Variants in MSRA observed in about 807,000 individuals in gnomAD.
MSRA encodes the protein mitochondrial peptide methionine sulfoxide reductase.
In MSRA, 54 loss-of-function variants were observed where a neutral mutation model predicts 31.3. That is an observed-to-expected ratio of 1.73 (90% CI 1.39 to 2.17). The LOEUF is 2.17. MSRA is among the 30% of genes most tolerant of loss of function. The pLI is 0.00. For missense variants in MSRA, 507 were observed against 300.9 expected, an observed-to-expected ratio of 1.69 and a Z score of -5.07; for synonymous variants, 169 against 116.5, an observed-to-expected ratio of 1.45 and a Z score of -2.90.
chr8:10,072,102 T>C (rs1406351441), intron 1 of MSRA, among the ~76,000 whole-genome samples: 1 of 151,826 alleles, frequency 6.6e-6, no homozygotes, highest in Non-Finnish European at 1.5e-5. Flanking sequence ...CCAGGTGCCA[T>C]GTGACACACA....
At chr8:10,320,821 A>G (rs898000475) in intron 5 of MSRA, among the ~76,000 whole-genome samples, 3 of 152,130 alleles carry the variant, frequency 2.0e-5, no homozygotes, top group Admixed American at 1.3e-4. Flanking sequence ...CCATGTTTAT[A>G]TTCACATCAG....
chr8:10,364,706 G>A (rs1052566069), intron 5 of MSRA, among the ~76,000 whole-genome samples: 1 of 152,214 alleles, frequency 6.6e-6, no homozygotes, highest in African/African-American at 2.4e-5. Context: ...TAACTGCTGG[G>A]TGAATTTGGG....
At chr8:10,264,529 C>A (rs1798645141) in intron 3 of MSRA, among the ~76,000 whole-genome samples, 1 of 152,174 alleles carries the variant, frequency 6.6e-6, no homozygotes, top group South Asian at 2.1e-4. Flanking sequence ...AAAGCCAGTG[C>A]TGCCAGGCAA....
At chr8:10,290,605 T>C (rs973062114) in intron 3 of MSRA, among the ~76,000 whole-genome samples, 1 of 152,040 alleles carries the variant, frequency 6.6e-6, no homozygotes, top group Admixed American at 6.6e-5. Context: ...CGGAATTCCA[T>C]TGGTGGGGTG....
At chr8:10,356,487 T>G (rs1563388499) in intron 5 of MSRA, among the ~76,000 whole-genome samples, 1 of 152,218 alleles carries the variant, frequency 6.6e-6, no homozygotes, top group Non-Finnish European at 1.5e-5. Flanking sequence ...CATGCATTTC[T>G]TTACGGATTT....
intron 1 of MSRA, among the ~76,000 whole-genome samples, chr8:10,088,675 G>A (rs1241775758): frequency 6.6e-6 from 1 of 152,114 alleles, no homozygotes; most frequent in Admixed American, 6.5e-5. Context: ...GGATGAGGTT[G>A]CAGTGAGCTG....
chr8:10,131,718 T>C (rs1055775080), intron 1 of MSRA, among the ~76,000 whole-genome samples: 2 of 152,198 alleles, frequency 1.3e-5, no homozygotes, highest in Non-Finnish European at 2.9e-5. Flanking sequence ...TCTCATTCCC[T>C]ATGGCCAGTG....
At chr8:10,407,247 G>A (rs1296935558) in intron 5 of MSRA, among the ~76,000 whole-genome samples, 1 of 152,222 alleles carries the variant, frequency 6.6e-6, no homozygotes, top group East Asian at 1.9e-4. Context: ...ACAACCAGAG[G>A]TGGATGTGAA....
chr8:10,116,183 G>A (rs116908443), intron 1 of MSRA, among the ~76,000 whole-genome samples: 3,154 of 152,276 alleles, frequency 0.021, 41 homozygotes, highest in African/African-American at 0.023. Flanking sequence ...TGTCCAACCC[G>A]TGGGCCACAT....
intron 1 of MSRA, among the ~76,000 whole-genome samples, chr8:10,162,841 G>T (rs1676467072): frequency 6.6e-6 from 1 of 152,108 alleles, no homozygotes; most frequent in African/African-American, 2.4e-5. Flanking sequence ...TCATAGGTGG[G>T]AGAACTCATT....
intron 1 of MSRA, among the ~76,000 whole-genome samples, chr8:10,175,442 A>C (rs1016966935): frequency 3.3e-5 from 5 of 152,240 alleles, no homozygotes; most frequent in Non-Finnish European, 7.3e-5. Flanking sequence ...TCAAGAATGT[A>C]ACACAGGATC....
intron 1 of MSRA, among the ~76,000 whole-genome samples, chr8:10,081,909 A>G (rs1397662476): frequency 1.3e-5 from 2 of 152,110 alleles, no homozygotes; most frequent in African/African-American, 2.4e-5. Flanking sequence ...CTCATTTTCT[A>G]TCAAAACCTC....
intron 2 of MSRA, among the ~76,000 whole-genome samples, chr8:10,210,947 G>A (rs1238524648): frequency 6.6e-6 from 1 of 151,462 alleles, no homozygotes; most frequent in Non-Finnish European, 1.5e-5. Context: ...TGTTGGCCAG[G>A]CTGGTCTCGA....
At chr8:10,322,222 A>T (rs900299930) in intron 5 of MSRA, among the ~76,000 whole-genome samples, 5 of 116,650 alleles carry the variant, frequency 4.3e-5, no homozygotes, top group African/African-American at 1.6e-4. Context: ...AGACCCCATT[A>T]TCCCCATTTT....
At chr8:10,091,998 C>A (rs944827683) in intron 1 of MSRA, among the ~76,000 whole-genome samples, 1 of 151,244 alleles carries the variant, frequency 6.6e-6, no homozygotes, top group Non-Finnish European at 1.5e-5. Context: ...GTAGATGGTT[C>A]CCTTTTCTCC....
chr8:10,277,253 A>T (rs1280914862), intron 3 of MSRA, among the ~76,000 whole-genome samples: 1 of 152,214 alleles, frequency 6.6e-6, no homozygotes, highest in Non-Finnish European at 1.5e-5. Flanking sequence ...TTAGCTAATG[A>T]AAGTACATGT....
intron 5 of MSRA, among the ~76,000 whole-genome samples, chr8:10,405,755 A>C (rs137965006): frequency 2.0e-5 from 1 of 49,518 alleles, no homozygotes; most frequent in Non-Finnish European, 7.9e-5. Flanking sequence ...ACACACACCC[A>C]TGTGCTCACA....
intron 4 of MSRA, among the ~76,000 whole-genome samples, chr8:10,303,971 C>T (rs932989500): frequency 1.3e-5 from 2 of 151,896 alleles, no homozygotes; most frequent in East Asian, 1.9e-4. Context: ...AGTCTTAATC[C>T]TTTGCTCAAG....
At chr8:10,209,078 A>G (rs1222619353) in intron 2 of MSRA, among the ~76,000 whole-genome samples, 4 of 152,202 alleles carry the variant, frequency 2.6e-5, no homozygotes, top group Non-Finnish European at 5.9e-5. Context: ...ATCACCTTTT[A>G]AAACATACTG....
Sources: gnomAD v4.1 joint callset for allele counts (sites outside exome capture counted in the v4.1 genomes callset) on GRCh38, gnomAD v4.1.1 for gene constraint, MANE v1.5 for transcripts, NCBI Gene and HGNC (gene_info 2026-07-23, HGNC 2026-07-21) for gene names.